LAMA5: variants seen among roughly 807,000 people sequenced by gnomAD.
LAMA5 encodes laminin subunit alpha 5.
A neutral mutation model predicts 433.4 loss-of-function variants in LAMA5; 260 were observed. The observed-to-expected ratio is 0.60, with a 90% CI of 0.54 to 0.66. LAMA5 has a LOEUF of 0.66. Among genes scored for constraint, LAMA5 ranks in the 30% least tolerant of loss-of-function variants. The probability of loss-of-function intolerance (pLI) is 0.00; values close to 1 mark genes in which losing one functional copy is unlikely to be tolerated. For missense variants in LAMA5, 5,378 were observed against 5,258.5 expected, an observed-to-expected ratio of 1.02 and a Z score of -0.70; for synonymous variants, 2,620 against 2,226.6, an observed-to-expected ratio of 1.18 and a Z score of -4.97.
chr20:62,329,682 G>A lies in LAMA5; in HGVS notation c.4119+95C>T, dbSNP rs537277844. ...TGGGCACAAGGCCAGGCCTCAGCAGGCCCAGAAGAGACAGACCCAGCCCAA... is the reference window on the plus strand; with the variant it reads ...TGGGCACAAGGCCAGGCCTCAGCAGACCCAGAAGAGACAGACCCAGCCCAA... On this transcript the variant is annotated intron_variant, in intron 32 of 79. Coordinates refer to ENST00000252999, the MANE Select transcript of LAMA5 (RefSeq NM_005560.6). 3.5e-5 allele frequency: 51 copies of A among 1,474,734 alleles called. No individual in the cohort carries two copies. In the East Asian group the frequency reaches 1.2e-3, roughly 33 times the overall value. The allele number at this position is 1,474,734 out of a possible 1,614,324, so 91.4% of individuals were successfully genotyped here.
intron 2 of LAMA5, among the ~76,000 whole-genome samples, chr20:62,354,957 C>A (rs766388097): frequency 6.6e-6 from 1 of 152,210 alleles, no homozygotes; most frequent in South Asian, 2.1e-4. Context: ...CGAGGAGGCC[C>A]GGGTGCCGGG....
In LAMA5 at chr20:62,311,443, G is replaced by A. The variant is rs780212320; in HGVS notation, c.9900C>T (p.Thr3300=). 6 of 1,601,130 alleles carry A rather than the reference G, an allele frequency of 3.7e-6. No individual in the cohort carries two copies. The highest frequency in any genetic ancestry group is 2.3e-5 in the East Asian group (1 of 44,184). Residue 3300 remains threonine, a synonymous_variant, in exon 72 of 80, where the codon ACC becomes ACT. Transcript: ENST00000252999. ...TGCAPALQAQ[T]PGLGPRGLQA... is the part of the protein sequence containing the mutation. Reference sequence around the variant, plus strand: ...GCAGTCCTCTAGGCCCCAGGCCCGGGGTCTGGGCTTGCAGGGCGGGTGCAC... The same window carrying A: ...GCAGTCCTCTAGGCCCCAGGCCCGGAGTCTGGGCTTGCAGGGCGGGTGCAC...
intron 66 of LAMA5, 41 bp downstream of exon 66, chr20:62,312,847 A>G: frequency 6.2e-7 from 1 of 1,601,788 alleles, no homozygotes; most frequent in Non-Finnish European, 8.5e-7. Flanking sequence ...CCATCGTTCC[A>G]TCTCCTCTCC....
chr20:62,331,638 C>T (rs1389732216), intron 28 of LAMA5, among the ~76,000 whole-genome samples: 1 of 152,348 alleles, frequency 6.6e-6, no homozygotes, highest in Non-Finnish European at 1.5e-5. Flanking sequence ...AGGCACAAGC[C>T]GCAAATGGGT....
At position 62,312,649 on chromosome 20, in the gene LAMA5, G is replaced by A. The variant is rs149891319; in HGVS notation, c.9210C>T (p.Pro3070=). The A allele has an allele frequency of 1.2e-5, 19 of 1,606,872 alleles. No homozygotes were observed. The African/African-American group carries it at 1.2e-4, about 10-fold the overall frequency. Residue 3070 remains proline (P), a synonymous_variant, in exon 67 of 80, where the codon CCC becomes CCT. Transcript: ENST00000252999. ...ADAYYLGGVP[P]DQLPPSLRRL... Reference sequence around the variant, plus strand: ...GTGCTTACCTCGGGGGCAGCTGGTCGGGCGGCACGCCCCCCAGGTAGTAGG... The same window carrying A: ...GTGCTTACCTCGGGGGCAGCTGGTCAGGCGGCACGCCCCCCAGGTAGTAGG...
chr20:62,340,317 T>TTG (rs1168818871), intron 11 of LAMA5, among the ~76,000 whole-genome samples: 17 of 145,204 alleles, frequency 1.2e-4, no homozygotes, highest in Middle Eastern at 3.5e-3. Flanking sequence ...TTTTTTTTTT[T>TTG]TTTTTTTTTT....
chr20:62,359,363 G>A lies in LAMA5; in HGVS notation c.450+3037C>T, dbSNP rs897436598. Among the ~76,000 whole-genome samples the A allele has an allele frequency of 2.6e-5, 4 of 152,198 alleles. No homozygotes were observed. Among genetic ancestry groups the A allele is most frequent in the African/African-American group, 7.2e-5 (3 of 41,438 alleles). ...GGGCCCGCTGGGCTAGCGTGCTGGT[G>A]TAGTGGGGCAAGGGCCTGGACCCTG... On this transcript the variant is annotated intron_variant, in intron 2 of 79. Transcript: ENST00000252999. The surrounding 1 kb of genome is among the most constrained non-coding windows in gnomAD (Gnocchi z 4.3).
chr20:62,354,838 GC>G (rs2146326392), intron 2 of LAMA5, among the ~76,000 whole-genome samples: 1 of 152,262 alleles, frequency 6.6e-6, no homozygotes, highest in African/African-American at 2.4e-5. Context: ...GGGAGGGTGA[GC>G]CCCTCCCCAG....
chr20:62,310,313 T>C lies in LAMA5; in HGVS notation c.10601-2A>G, dbSNP rs1183278237. 6.9e-6 allele frequency: 11 copies of C among 1,598,116 alleles called. No individual in the cohort carries two copies. On this transcript the variant is annotated splice_acceptor_variant, in intron 76 of 79. Coordinates refer to ENST00000252999, the MANE Select transcript of LAMA5 (RefSeq NM_005560.6). LOFTEE classifies it high-confidence loss of function. ...CAGGCAGTGTAGCTCCTGGGAGGTCTGCGGGGAGGGGTTGTGATGGAGAAG... is the reference window on the plus strand; with the variant it reads ...CAGGCAGTGTAGCTCCTGGGAGGTCCGCGGGGAGGGGTTGTGATGGAGAAG...
At chr20:62,316,636 A>G in intron 57 of LAMA5, 35 bp downstream of exon 57, 1 of 1,467,040 alleles carries the variant, frequency 6.8e-7, no homozygotes, top group East Asian at 2.4e-5. Flanking sequence ...GATGCCCAGC[A>G]GGCCTAAGGG....
chr20:62,344,971 A>G (rs1478560881), intron 11 of LAMA5, among the ~76,000 whole-genome samples: 2 of 152,160 alleles, frequency 1.3e-5, no homozygotes, highest in African/African-American at 4.8e-5. Context: ...GTGTACAGAG[A>G]GCATTCAAGC....
In LAMA5 at chr20:62,333,934, G is replaced by T. The variant is rs1225359940; in HGVS notation, c.2845C>A (p.Arg949=). The T allele has an allele frequency of 1.9e-6, 3 of 1,610,830 alleles. No individual in the cohort carries two copies. In the Admixed American group the frequency reaches 5.0e-5, roughly 27 times the overall value. Residue 949 remains arginine, a synonymous_variant, in exon 23 of 80, where the codon CGA becomes AGA. Coordinates refer to ENST00000252999, the MANE Select transcript of LAMA5 (RefSeq NM_005560.6). ...CAGGTGGCCGACCTGCCCTCCTCTC[G>T]CACAGAGACCCGCCCGCTCACACTC... is the stretch of plus-strand genomic sequence containing the variant. ...AMSVSGRVSV[R]EEGRSATCAN...
At chr20:62,310,854 T>A (rs1986181856) in intron 74 of LAMA5, 25 bp from the exon 75 acceptor site, 2 of 1,596,108 alleles carry the variant, frequency 1.3e-6, no homozygotes, top group Non-Finnish European at 1.7e-6. Flanking sequence ...TGGGTCAGGG[T>A]AGGGCTGCCA....
In LAMA5 at chr20:62,324,580, A is replaced by C; in HGVS notation, c.5530-26T>G. On this transcript the variant is annotated intron_variant, in intron 41 of 79. Coordinates refer to ENST00000252999, the MANE Select transcript of LAMA5 (RefSeq NM_005560.6). This position sits in a 1 kb window ranked among gnomAD's most constrained non-coding sequence, Gnocchi z 4.4. ...CTGAGGGTGTACGGGGGCAGGTGGC[A>C]TCAGCGATTGAGAGGACGAGGGGCC... 1 of 1,551,722 alleles carries C rather than the reference A, an allele frequency of 6.4e-7. No homozygotes were observed. Among genetic ancestry groups the C allele is most frequent in the Non-Finnish European group, 8.8e-7 (1 of 1,130,058 alleles).
At chr20:62,321,067 T>C (rs565558273) in intron 48 of LAMA5, among the ~76,000 whole-genome samples, 177 bp from the exon 49 acceptor site, 1 of 146,802 alleles carries the variant, frequency 6.8e-6, no homozygotes, top group South Asian at 2.2e-4. Flanking sequence ...TAGGGTCAGG[T>C]AGGAGTCAGA....
At chr20:62,334,439 GC>G in intron 21 of LAMA5, 82 bp downstream of exon 21, 1 of 1,514,682 alleles carries the variant, frequency 6.6e-7, no homozygotes, top group African/African-American at 1.4e-5. Context: ...CCTCACGTGG[GC>G]CCATGGTGAG....
rs549009803 is a variant in LAMA5 at position 62,359,195 on chromosome 20, C to T, written c.450+3205G>A. Among the ~76,000 whole-genome samples, 16 of 152,166 alleles carry T rather than the reference C, an allele frequency of 1.1e-4. No individual in the cohort carries two copies. Among genetic ancestry groups the T allele is most frequent in the Non-Finnish European group, 2.1e-4 (14 of 68,020 alleles). ...AGGGGGCCCGTGCGTCCTCACTCCTCATCTGAGGGAGGCGGGAGGCAATGC... is the reference window on the plus strand; with the variant it reads ...AGGGGGCCCGTGCGTCCTCACTCCTTATCTGAGGGAGGCGGGAGGCAATGC... On this transcript the variant is annotated intron_variant, in intron 2 of 79. Transcript: ENST00000252999. The surrounding 1 kb of genome is among the most constrained non-coding windows in gnomAD (Gnocchi z 4.3).
intron 77 of LAMA5, 44 bp downstream of exon 77, chr20:62,310,134 G>A (rs755130619): frequency 1.2e-6 from 2 of 1,611,440 alleles, no homozygotes; most frequent in African/African-American, 1.3e-5. Context: ...CACCAGAATG[G>A]GGAGGCAAAC....
At chr20:62,328,173 C>T (rs1280728145) in intron 35 of LAMA5, 68 bp downstream of exon 35, 16 of 1,520,394 alleles carry the variant, frequency 1.1e-5, no homozygotes, top group Non-Finnish European at 1.4e-5. Flanking sequence ...TGCCAGGACC[C>T]TCTGGCTAGA....
Sources: allele counts gnomAD v4.1 joint callset (sites outside exome capture counted in the v4.1 genomes callset), GRCh38; gene constraint gnomAD v4.1.1; non-coding constraint Gnocchi (gnomAD v3.1); transcripts MANE v1.5; gene names NCBI Gene and HGNC (gene_info 2026-07-23, HGNC 2026-07-21).